Variants in RAB10 observed in about 807,000 individuals in gnomAD.
The protein encoded by RAB10 is RAB10, member RAS oncogene family, also known as ras-related protein Rab-10.
Under a neutral mutation model 25.7 loss-of-function variants are expected in RAB10, and 5 were observed. The ratio of observed to expected loss-of-function variants is 0.19; its 90% CI spans 0.10 to 0.41. The LOEUF (loss-of-function observed/expected upper bound fraction) is 0.41, where lower values mean the gene tolerates loss of function less well. Ranked by LOEUF, RAB10 falls within the 10% of genes least tolerant of loss-of-function variation. RAB10 has a pLI of 1.00. For missense variants in RAB10, 103 were observed against 245.8 expected (o/e 0.42, Z 3.89); for synonymous variants, 89 against 86.4 (o/e 1.03, Z -0.16).
At chr2:26,102,640 G>A (rs958098932) in intron 2 of RAB10, among the ~76,000 whole-genome samples, 10 of 151,976 alleles carry the variant, frequency 6.6e-5, no homozygotes, top group East Asian at 3.9e-4. Flanking sequence ...GGGTTTCACC[G>A]TGTTAACCAG....
chr2:26,115,246 C>G (rs2149285622), intron 3 of RAB10, among the ~76,000 whole-genome samples: 1 of 151,498 alleles, frequency 6.6e-6, no homozygotes, highest in Admixed American at 6.6e-5. Flanking sequence ...GGTATTTACC[C>G]AAGAGAATTA....
chr2:26,112,077 A>G lies in RAB10; in HGVS notation c.327+2171A>G, dbSNP rs114125790. 1.2e-3 allele frequency among the ~76,000 whole-genome samples: 179 copies of G among 152,326 alleles called. 1 individual carries two copies. The highest frequency in any genetic ancestry group is 4.1e-3 in the African/African-American group (170 of 41,572). ...GAACAGCCAAATGGAAGAGAGGCAT[A>G]TGTGGGGAGTAGCGGCAGGGCTCCA... On this transcript the variant is annotated intron_variant, in intron 3 of 5. Transcript: ENST00000264710.
intron 1 of RAB10, among the ~76,000 whole-genome samples, chr2:26,085,214 G>T (rs1253865665): frequency 1.3e-5 from 2 of 152,060 alleles, no homozygotes; most frequent in African/African-American, 4.8e-5. Flanking sequence ...ACAGGCCGGG[G>T]GCAGTGACTC....
chr2:26,118,438 CGGGGGTGGGGT>C (rs746692719), intron 3 of RAB10, among the ~76,000 whole-genome samples: 1 of 98,002 alleles, frequency 1.0e-5, no homozygotes, highest in African/African-American at 3.9e-5. Flanking sequence ...AAACAAAGGC[CGGGGGTGGGGT>C]GGGGGTGGGG....
chr2:26,048,037 GTT>G (rs61183627), intron 1 of RAB10, among the ~76,000 whole-genome samples: 17 of 134,660 alleles, frequency 1.3e-4, no homozygotes, highest in Non-Finnish European at 1.1e-4. Context: ...GGGCCCATTA[GTT>G]TTTTTTTTTT....
intron 5 of RAB10, among the ~76,000 whole-genome samples, chr2:26,132,385 C>T (rs1281381250): frequency 6.6e-6 from 1 of 152,122 alleles, no homozygotes; most frequent in Non-Finnish European, 1.5e-5. Context: ...TCCCAAGTAG[C>T]GGGGATTACA....
intron 5 of RAB10, among the ~76,000 whole-genome samples, chr2:26,131,286 A>G (rs1668008573): frequency 6.6e-6 from 1 of 152,190 alleles, no homozygotes; most frequent in African/African-American, 2.4e-5. Context: ...AGAAAAAAAA[A>G]TCACACACAA....
At chr2:26,100,402 T>C (rs550049273) in intron 2 of RAB10, among the ~76,000 whole-genome samples, 3 of 152,336 alleles carry the variant, frequency 2.0e-5, no homozygotes, top group Non-Finnish European at 4.4e-5. Context: ...ACAATGAGAA[T>C]AGAATTGTCC....
intron 1 of RAB10, among the ~76,000 whole-genome samples, chr2:26,094,299 T>A (rs1574548987): frequency 6.6e-6 from 1 of 152,072 alleles, no homozygotes; most frequent in Non-Finnish European, 1.5e-5. Context: ...TCACCCAGGC[T>A]GGAGTGCAGT....
intron 1 of RAB10, among the ~76,000 whole-genome samples, chr2:26,079,085 G>A (rs1666803491): frequency 1.3e-5 from 2 of 152,104 alleles, no homozygotes; most frequent in Non-Finnish European, 2.9e-5. Flanking sequence ...TACTCTGGAG[G>A]CTGAGGCATG....
At chr2:26,093,481 T>G (rs1667150118) in intron 1 of RAB10, among the ~76,000 whole-genome samples, 1 of 152,246 alleles carries the variant, frequency 6.6e-6, no homozygotes, top group Non-Finnish European at 1.5e-5. Flanking sequence ...ACATATTTTC[T>G]TCTGAAGTTC....
At chr2:26,086,020 G>A (rs560191061) in intron 1 of RAB10, among the ~76,000 whole-genome samples, 3 of 140,204 alleles carry the variant, frequency 2.1e-5, no homozygotes, top group South Asian at 2.3e-4. Context: ...AAAAAAAAGG[G>A]GGGGGGCAAA....
intron 3 of RAB10, among the ~76,000 whole-genome samples, chr2:26,123,422 C>T (rs1452480647): frequency 1.3e-5 from 2 of 152,144 alleles, no homozygotes; most frequent in Non-Finnish European, 1.5e-5. Context: ...GCTGAAGATG[C>T]CATCGTTATA....
chr2:26,065,987 T>C (rs895843034), intron 1 of RAB10, among the ~76,000 whole-genome samples: 1 of 152,232 alleles, frequency 6.6e-6, no homozygotes, highest in Non-Finnish European at 1.5e-5. Flanking sequence ...ATTCTCATCA[T>C]CACTAAAACA....
At chr2:26,052,639 A>C (rs1241057124) in intron 1 of RAB10, among the ~76,000 whole-genome samples, 1 of 152,082 alleles carries the variant, frequency 6.6e-6, no homozygotes, top group African/African-American at 2.4e-5. Flanking sequence ...TGAGCAGCTA[A>C]AGGAACTTGG....
At chr2:26,057,937 T>C (rs1419690462) in intron 1 of RAB10, among the ~76,000 whole-genome samples, 1 of 152,198 alleles carries the variant, frequency 6.6e-6, no homozygotes, top group Non-Finnish European at 1.5e-5. Context: ...AGGCTAGTTT[T>C]AAAGTCTCTC....
intron 2 of RAB10, among the ~76,000 whole-genome samples, chr2:26,108,397 C>T (rs915676963): frequency 3.3e-5 from 5 of 151,852 alleles, no homozygotes; most frequent in African/African-American, 1.2e-4. Flanking sequence ...TGTTAAATGC[C>T]GATTTCAAAA....
chr2:26,045,896 C>T (rs76527553), intron 1 of RAB10, among the ~76,000 whole-genome samples: 3,702 of 152,126 alleles, frequency 0.024, 147 homozygotes, highest in African/African-American at 0.085. Flanking sequence ...TAAAGGATTA[C>T]AAAGGATGTT....
At chr2:26,035,865 A>G (rs1279863363) in intron 1 of RAB10, among the ~76,000 whole-genome samples, 1 of 152,202 alleles carries the variant, frequency 6.6e-6, no homozygotes, top group Non-Finnish European at 1.5e-5. Flanking sequence ...TTCTTTTGTG[A>G]CAAATACCTG....
Sources: gnomAD v4.1 joint callset for allele counts (sites outside exome capture counted in the v4.1 genomes callset) on GRCh38, gnomAD v4.1.1 for gene constraint, MANE v1.5 for transcripts, NCBI Gene and HGNC (gene_info 2026-07-23, HGNC 2026-07-21) for gene names.